SH3RF2: variants seen among roughly 807,000 people sequenced by gnomAD.
SH3RF2 encodes E3 ubiquitin-protein ligase SH3RF2.
In SH3RF2, 43 loss-of-function variants were observed where a neutral mutation model predicts 59.0. The observed-to-expected ratio is 0.73, with a 90% CI of 0.57 to 0.94. The LOEUF (loss-of-function observed/expected upper bound fraction) is 0.94. Ranked by LOEUF, SH3RF2 falls within the 40% of genes least tolerant of loss-of-function variation. The pLI, the probability that SH3RF2 is intolerant of heterozygous loss-of-function variation, is 0.00. For synonymous variants in SH3RF2, 391 were observed against 391.5 expected (o/e 1.00, Z 0.01); for missense variants, 930 against 940.1 (o/e 0.99, Z 0.14).
At chr5:145,955,472 T>C (rs1342066613) in intron 2 of SH3RF2, among the ~76,000 whole-genome samples, 2 of 152,136 alleles carry the variant, frequency 1.3e-5, no homozygotes, top group Non-Finnish European at 2.9e-5. Flanking sequence ...AGTACCTGGG[T>C]GACAGGATCA....
intron 9 of SH3RF2, among the ~76,000 whole-genome samples, chr5:146,062,068 G>A (rs1762913788): frequency 2.0e-5 from 3 of 152,202 alleles, no homozygotes; most frequent in Non-Finnish European, 4.4e-5. Context: ...TACGTAGAGA[G>A]GAGAGAGGCA....
chr5:146,057,984 C>CTATATATATATATATATA (rs751628879), intron 8 of SH3RF2, among the ~76,000 whole-genome samples: 1 of 145,740 alleles, frequency 6.9e-6, no homozygotes, highest in African/African-American at 2.7e-5. Context: ...ATCTATCTAT[C>CTATATATATATATATATA]TATATATATA....
intron 2 of SH3RF2, among the ~76,000 whole-genome samples, chr5:145,941,348 G>C (rs1463677325): frequency 6.6e-6 from 1 of 152,134 alleles, no homozygotes; most frequent in East Asian, 1.9e-4. Context: ...ATTGCCTATT[G>C]TGCCTACATG....
intron 2 of SH3RF2, among the ~76,000 whole-genome samples, chr5:145,948,014 G>T (rs892155759): frequency 5.3e-5 from 8 of 151,946 alleles, no homozygotes; most frequent in Non-Finnish European, 1.2e-4. Flanking sequence ...TAAAATAAAG[G>T]GTGTTCACAT....
chr5:145,981,773 G>A (rs967952999), intron 2 of SH3RF2, among the ~76,000 whole-genome samples: 1 of 152,196 alleles, frequency 6.6e-6, no homozygotes, highest in South Asian at 2.1e-4. Context: ...AGTCACACTA[G>A]CACATGGCAC....
chr5:145,990,379 A>G (rs752135037), intron 2 of SH3RF2, among the ~76,000 whole-genome samples: 2 of 152,246 alleles, frequency 1.3e-5, no homozygotes, highest in Non-Finnish European at 2.9e-5. Flanking sequence ...CTGTATATCA[A>G]ATCTCAGAGA....
chr5:145,987,249 G>A (rs1039890066), intron 2 of SH3RF2, among the ~76,000 whole-genome samples: 37 of 152,136 alleles, frequency 2.4e-4, no homozygotes, highest in African/African-American at 8.0e-4. Flanking sequence ...GGTTACATGC[G>A]TAAGTTCTTT....
intron 2 of SH3RF2, among the ~76,000 whole-genome samples, chr5:145,965,555 G>A (rs950047331): frequency 3.3e-5 from 5 of 152,292 alleles, no homozygotes; most frequent in African/African-American, 9.6e-5. Flanking sequence ...TCATTTCAAC[G>A]AACACTGCCT....
chr5:146,020,945 G>A (rs1257104217), intron 5 of SH3RF2, among the ~76,000 whole-genome samples: 1 of 152,078 alleles, frequency 6.6e-6, no homozygotes, highest in Non-Finnish European at 1.5e-5. Context: ...CACGAGCCTT[G>A]GGGAATTCTG....
chr5:146,023,033 G>A (rs1189392591), intron 5 of SH3RF2, among the ~76,000 whole-genome samples: 1 of 151,622 alleles, frequency 6.6e-6, no homozygotes, highest in Admixed American at 6.6e-5. Context: ...ATTGCATTGA[G>A]TTAATATGGC....
intron 5 of SH3RF2, among the ~76,000 whole-genome samples, chr5:146,038,431 A>G (rs900093960): frequency 2.6e-5 from 4 of 152,234 alleles, no homozygotes; most frequent in African/African-American, 9.6e-5. Flanking sequence ...TAGAGAACTC[A>G]AAAGAATCTA....
At chr5:146,053,571 G>C (rs79079992) in intron 7 of SH3RF2, among the ~76,000 whole-genome samples, 1,869 of 152,100 alleles carry the variant, frequency 0.012, 35 homozygotes, top group African/African-American at 0.043. Context: ...GAAAAGATGG[G>C]GGCAAAGTTG....
chr5:146,007,549 A>G (rs1375594987), intron 4 of SH3RF2, among the ~76,000 whole-genome samples: 1 of 152,142 alleles, frequency 6.6e-6, no homozygotes, highest in African/African-American at 2.4e-5. Flanking sequence ...ATTTATGGAA[A>G]TGGTTGCCTG....
chr5:146,070,946 AT>A (rs1253138484), intron 9 of SH3RF2, among the ~76,000 whole-genome samples: 21 of 152,200 alleles, frequency 1.4e-4, no homozygotes, highest in African/African-American at 4.8e-4. Context: ...TTTTGTGTTA[AT>A]GCTCTTGGAA....
intron 2 of SH3RF2, among the ~76,000 whole-genome samples, chr5:145,957,506 C>CA (rs1758461122): frequency 6.6e-6 from 1 of 152,094 alleles, no homozygotes; most frequent in Admixed American, 6.6e-5. Context: ...ATTGAAAACC[C>CA]AGCATGCTAA....
At chr5:146,046,866 C>G (rs1020667753) in intron 5 of SH3RF2, among the ~76,000 whole-genome samples, 6 of 151,958 alleles carry the variant, frequency 3.9e-5, no homozygotes, top group Non-Finnish European at 7.4e-5. Flanking sequence ...CAGGCTCAAG[C>G]GAACTTCCCA....
At chr5:145,974,449 G>A (rs964729622) in intron 2 of SH3RF2, among the ~76,000 whole-genome samples, 1 of 152,110 alleles carries the variant, frequency 6.6e-6, no homozygotes, top group Admixed American at 6.5e-5. Context: ...TCCAAAGATG[G>A]ATAGGAAAGG....
At chr5:146,073,294 A>G (rs1287840264) in intron 9 of SH3RF2, among the ~76,000 whole-genome samples, 2 of 152,226 alleles carry the variant, frequency 1.3e-5, no homozygotes, top group Non-Finnish European at 2.9e-5. Context: ...TTTCAGATTT[A>G]GGGCTGTGTG....
intron 2 of SH3RF2, among the ~76,000 whole-genome samples, chr5:145,998,281 TAAAAAA>T (rs35018423): frequency 7.1e-6 from 1 of 140,348 alleles, no homozygotes; most frequent in Non-Finnish European, 1.5e-5. Flanking sequence ...GGCCCATAGT[TAAAAAA>T]AAAAAAAAAA....
Sources: gnomAD v4.1 joint callset for allele counts (sites outside exome capture counted in the v4.1 genomes callset) on GRCh38, gnomAD v4.1.1 for gene constraint, MANE v1.5 for transcripts, NCBI Gene and HGNC (gene_info 2026-07-23, HGNC 2026-07-21) for gene names.